The following ATP6V1C2 variants were observed in gnomAD, a reference collection of about 807,000 sequenced individuals.
ATP6V1C2 encodes ATPase H+ transporting V1 subunit C2, also known as V-type proton ATPase subunit C 2.
Under a neutral mutation model 56.8 loss-of-function variants are expected in ATP6V1C2, and 45 were observed. The observed-to-expected ratio is 0.79, with a 90% CI of 0.62 to 1.02. The LOEUF (loss-of-function observed/expected upper bound fraction) is 1.02. Ranked by LOEUF, ATP6V1C2 falls within the 50% of genes least tolerant of loss-of-function variation. The probability of loss-of-function intolerance (pLI) is 0.00; values close to 1 mark genes in which losing one functional copy is unlikely to be tolerated. For missense variants in ATP6V1C2, 463 were observed against 519.7 expected, an observed-to-expected ratio of 0.89 and a Z score of 1.06; for synonymous variants, 220 against 201.3, an observed-to-expected ratio of 1.09 and a Z score of -0.79.
chr2:10,764,500 G>A, intron 5 of ATP6V1C2, 75 bp downstream of exon 5: 1 of 1,265,568 alleles, frequency 7.9e-7, no homozygotes. Context: ...GGGCCCCCCT[G>A]CCAACAGCCT....
chr2:10,739,895 T>C (rs1385664889), intron 3 of ATP6V1C2, among the ~76,000 whole-genome samples: 7 of 149,972 alleles, frequency 4.7e-5, no homozygotes, highest in Non-Finnish European at 1.0e-4. Flanking sequence ...AGGTTAGGAG[T>C]TCAAGACCAG....
chr2:10,741,666 C>T (rs1662557872), intron 3 of ATP6V1C2, among the ~76,000 whole-genome samples: 1 of 151,698 alleles, frequency 6.6e-6, no homozygotes, highest in African/African-American at 2.4e-5. Context: ...GACCAGCTGA[C>T]ATGTGGCCAC....
intron 12 of ATP6V1C2, among the ~76,000 whole-genome samples, chr2:10,779,404 C>G (rs577284305): frequency 2.4e-5 from 3 of 125,010 alleles, no homozygotes; most frequent in Admixed American, 8.4e-5. Context: ...CCACCATGCC[C>G]GGCCTTTGCC....
chr2:10,732,877 A>G (rs567459669), intron 3 of ATP6V1C2, among the ~76,000 whole-genome samples: 5 of 151,638 alleles, frequency 3.3e-5, no homozygotes, highest in African/African-American at 1.2e-4. Flanking sequence ...AGGCTGAGGC[A>G]GGAGAATTGC....
At chr2:10,766,804 T>C (rs1325358776) in intron 5 of ATP6V1C2, among the ~76,000 whole-genome samples, 1 of 151,366 alleles carries the variant, frequency 6.6e-6, no homozygotes, top group Non-Finnish European at 1.5e-5. Context: ...ACTATACAGT[T>C]GTACAGTATA....
intron 5 of ATP6V1C2, among the ~76,000 whole-genome samples, chr2:10,766,043 G>C (rs1228534145): frequency 6.6e-6 from 1 of 152,202 alleles, no homozygotes; most frequent in Non-Finnish European, 1.5e-5. Flanking sequence ...GTGCAGAAGA[G>C]GAAGCTGAGG....
Position 10,783,315 on chromosome 2 carries a change from C to A in ATP6V1C2, c.*52C>A. ...TGTTCGTGCAGATTATTACAGACAC[C>A]TCTTTCCTTTAGCCAGAGAATGGTT... On this transcript the variant is annotated 3_prime_UTR_variant, in exon 14 of 14. Transcript: ENST00000272238. 1 of 1,238,942 alleles carries A rather than the reference C, an allele frequency of 8.1e-7. No individual in the cohort carries two copies. Among genetic ancestry groups the A allele is most frequent in the Non-Finnish European group, 1.2e-6 (1 of 842,972 alleles). The allele number at this position is 1,238,942 out of a possible 1,614,324, so 76.7% of individuals were successfully genotyped here. A position where few individuals can be genotyped will look rare whatever the true frequency, so the allele number is the denominator to read the frequency against.
At chr2:10,748,597 G>A (rs1572543237) in intron 3 of ATP6V1C2, among the ~76,000 whole-genome samples, 1 of 152,000 alleles carries the variant, frequency 6.6e-6, no homozygotes, top group African/African-American at 2.4e-5. Context: ...AATATGGTTT[G>A]TCCATCTTTT....
chr2:10,731,659 G>A (rs1364332161), intron 3 of ATP6V1C2, among the ~76,000 whole-genome samples: 2 of 152,170 alleles, frequency 1.3e-5, no homozygotes, highest in East Asian at 1.9e-4. Flanking sequence ...GACTGGTCTC[G>A]TGCAGGAAGG....
At chr2:10,771,774 G>T in intron 6 of ATP6V1C2, 65 bp from the exon 7 acceptor site, 1 of 1,291,572 alleles carries the variant, frequency 7.7e-7, no homozygotes, top group Non-Finnish European at 1.1e-6. Flanking sequence ...GTGTGGGTGT[G>T]TGTGGGGTCA....
intron 11 of ATP6V1C2, 119 bp downstream of exon 11, chr2:10,777,841 T>A: frequency 1.6e-6 from 2 of 1,283,002 alleles, no homozygotes; most frequent in Non-Finnish European, 2.1e-6. Context: ...TTTGAGGTCT[T>A]AAATTTGAGG....
chr2:10,777,807 A>C, intron 11 of ATP6V1C2, 85 bp downstream of exon 11: 7 of 1,495,128 alleles, frequency 4.7e-6, no homozygotes, highest in Non-Finnish European at 6.2e-6. Context: ...GAATCCTTGC[A>C]TTTTTCTGTT....
chr2:10,738,676 T>A (rs1662387186), intron 3 of ATP6V1C2, among the ~76,000 whole-genome samples: 1 of 152,146 alleles, frequency 6.6e-6, no homozygotes. Flanking sequence ...CCTCCCATGG[T>A]CCTTTTTGGA....
chr2:10,723,228 G>T lies in ATP6V1C2; in HGVS notation c.129+250G>T, dbSNP rs1381618265. Reference sequence around the variant, plus strand: ...AAGGAATGAACAGGGGGACAAGGTTGTGGGTAGCAGTGTCTAATGCTTCAA... The same window carrying T: ...AAGGAATGAACAGGGGGACAAGGTTTTGGGTAGCAGTGTCTAATGCTTCAA... On this transcript the variant is annotated intron_variant, in intron 2 of 13. Coordinates refer to ENST00000272238, the MANE Select transcript of ATP6V1C2 (RefSeq NM_001039362.2). Among the ~76,000 whole-genome samples the T allele has an allele frequency of 2.0e-5, 3 of 152,214 alleles. No individual in the cohort carries two copies. The East Asian group carries it at 5.8e-4, about 29-fold the overall frequency.
rs1012427631 is a variant in ATP6V1C2 at position 10,764,334 on chromosome 2, A to G, written c.287A>G (p.Asp96Gly). ...AAATGTGTTTGTATTCTTCCAGTTG[A>G]CTTAACATCCTTTGTGACCCACTTT... ...VQEHLLANGV[D>G]LTSFVTHFEW... is the part of the protein sequence containing the mutation. The change falls in exon 5 of 14, where the codon GAC (aspartate) becomes GGC (glycine). Residue 96 changes from aspartate (D) to glycine (G), a missense_variant. Asp to Gly is a moderately conservative substitution (Grantham distance 94). Transcript: ENST00000272238. 2.3e-5 allele frequency: 37 copies of G among 1,611,872 alleles called. No individual in the cohort carries two copies. The highest frequency in any genetic ancestry group is 3.1e-5 in the Non-Finnish European group (36 of 1,178,060).
At chr2:10,755,559 C>T (rs752957378) in intron 4 of ATP6V1C2, among the ~76,000 whole-genome samples, 6 of 152,136 alleles carry the variant, frequency 3.9e-5, no homozygotes, top group South Asian at 2.1e-4. Context: ...TCTGCAGTTC[C>T]GCCTCTACTC....
At position 10,779,542 on chromosome 2, in the gene ATP6V1C2, C is replaced by T. The variant is rs142259249; in HGVS notation, c.1061+873C>T. Among the ~76,000 whole-genome samples the T allele has an allele frequency of 3.1e-3, 462 of 150,184 alleles. 1 individual carries two copies. The highest frequency in any genetic ancestry group is 0.01 in the African/African-American group (414 of 41,014). The stretch of plus-strand genomic sequence containing the variant: ...CTCTACTAAAAATACAAAAATTAGC[C>T]GGGTGTGGTGGCATGGGCCTGTAGT... On this transcript the variant is annotated intron_variant, in intron 12 of 13. Coordinates refer to ENST00000272238, the MANE Select transcript of ATP6V1C2 (RefSeq NM_001039362.2).
At chr2:10,745,383 C>T (rs1468727031) in intron 3 of ATP6V1C2, among the ~76,000 whole-genome samples, 1 of 130,062 alleles carries the variant, frequency 7.7e-6, no homozygotes, top group Non-Finnish European at 1.6e-5. Context: ...TAGACAGAGT[C>T]TCACTCTGTC....
chr2:10,744,550 G>C (rs1248884657), intron 3 of ATP6V1C2, among the ~76,000 whole-genome samples: 1 of 151,324 alleles, frequency 6.6e-6, no homozygotes, highest in Non-Finnish European at 1.5e-5. Flanking sequence ...GGAAATTCTA[G>C]TATCTGACAC....
Sources: gnomAD v4.1 joint callset for allele counts (sites outside exome capture counted in the v4.1 genomes callset) on GRCh38, gnomAD v4.1.1 for gene constraint, MANE v1.5 for transcripts, NCBI Gene and HGNC (gene_info 2026-07-23, HGNC 2026-07-21) for gene names.